VPS13B: variants seen among roughly 807,000 people sequenced by gnomAD.
The protein encoded by VPS13B is intermembrane lipid transfer protein VPS13B.
VPS13B carries 285 observed loss-of-function variants against 426.4 expected under a neutral mutation model. The ratio of observed to expected loss-of-function variants is 0.67; its 90% CI spans 0.61 to 0.74. VPS13B has a LOEUF of 0.74. Among genes scored for constraint, VPS13B ranks in the 30% least tolerant of loss-of-function variants. VPS13B has a pLI of 0.00. For synonymous variants in VPS13B, 1,676 were observed against 1,676.4 expected, an observed-to-expected ratio of 1.00 and a Z score of 0.01; for missense variants, 4,537 against 4,782.6, an observed-to-expected ratio of 0.95 and a Z score of 1.51.
chr8:99,741,332 T>G (rs1311254426), intron 39 of VPS13B, among the ~76,000 whole-genome samples: 1 of 152,102 alleles, frequency 6.6e-6, no homozygotes, highest in Non-Finnish European at 1.5e-5. Flanking sequence ...AGCAAGTCCT[T>G]AGAGACCTAC....
intron 17 of VPS13B, among the ~76,000 whole-genome samples, chr8:99,251,928 A>G (rs995242762): frequency 6.6e-6 from 1 of 151,918 alleles, no homozygotes; most frequent in East Asian, 1.9e-4. Flanking sequence ...ATGATATCCC[A>G]TTTCATTCCT....
intron 2 of VPS13B, among the ~76,000 whole-genome samples, chr8:99,030,652 A>G (rs1307890085): frequency 6.6e-6 from 1 of 152,216 alleles, no homozygotes. Context: ...TATGATAATC[A>G]TACAAATGCA....
chr8:99,143,314 A>G (rs1810533662), intron 13 of VPS13B, 149 bp downstream of exon 13: 2 of 976,358 alleles, frequency 2.0e-6, no homozygotes, highest in African/African-American at 1.6e-5. Context: ...TATTTAAAGA[A>G]TAAACTTGTG....
At chr8:99,562,129 C>T (rs1326560083) in intron 31 of VPS13B, among the ~76,000 whole-genome samples, 3 of 152,136 alleles carry the variant, frequency 2.0e-5, no homozygotes, top group African/African-American at 4.8e-5. Context: ...TAAGCTAACA[C>T]ATCATCCTAC....
At chr8:99,812,774 T>A (rs1212477760) in intron 44 of VPS13B, among the ~76,000 whole-genome samples, 1 of 152,242 alleles carries the variant, frequency 6.6e-6, no homozygotes, top group Non-Finnish European at 1.5e-5. Context: ...CACATACTTT[T>A]AATCATGTTT....
chr8:99,462,211 C>T (rs1289930309), intron 23 of VPS13B, among the ~76,000 whole-genome samples: 1 of 143,868 alleles, frequency 7.0e-6, no homozygotes, highest in Non-Finnish European at 1.5e-5. Flanking sequence ...GTACTGTATG[C>T]TATGCACTGT....
chr8:99,506,413 C>G (rs146311150), intron 27 of VPS13B, among the ~76,000 whole-genome samples: 1 of 151,992 alleles, frequency 6.6e-6, no homozygotes, highest in Non-Finnish European at 1.5e-5. Flanking sequence ...ATGAATATTA[C>G]GTATTATGTT....
At chr8:99,366,310 TC>T (rs1433981256) in intron 19 of VPS13B, among the ~76,000 whole-genome samples, 1 of 152,178 alleles carries the variant, frequency 6.6e-6, no homozygotes, top group Non-Finnish European at 1.5e-5. Flanking sequence ...TATATCCCCT[TC>T]CTGAATTTAC....
intron 19 of VPS13B, among the ~76,000 whole-genome samples, chr8:99,336,955 C>T (rs1264859687): frequency 2.6e-5 from 4 of 151,824 alleles, no homozygotes; most frequent in Non-Finnish European, 2.9e-5. Flanking sequence ...GTCAGTGTGG[C>T]GATTCCTCAG....
At chr8:99,596,209 G>A (rs1224587234) in intron 33 of VPS13B, among the ~76,000 whole-genome samples, 2 of 151,542 alleles carry the variant, frequency 1.3e-5, no homozygotes, top group African/African-American at 4.8e-5. Flanking sequence ...TTTTTAAACA[G>A]AAACTATCAT....
chr8:99,121,602 A>C, intron 8 of VPS13B, 157 bp downstream of exon 8: 1 of 1,437,914 alleles, frequency 7.0e-7, no homozygotes, highest in East Asian at 2.4e-5. Flanking sequence ...TGGCTCCTCC[A>C]CTTGAAATCT....
chr8:99,715,828 G>A (rs895018820), intron 36 of VPS13B, among the ~76,000 whole-genome samples: 1 of 152,060 alleles, frequency 6.6e-6, no homozygotes, highest in Non-Finnish European at 1.5e-5. Flanking sequence ...ATTTCATTTA[G>A]CAAATATTTA....
At chr8:99,318,070 A>G (rs574122108) in intron 19 of VPS13B, among the ~76,000 whole-genome samples, 1 of 152,326 alleles carries the variant, frequency 6.6e-6, no homozygotes, top group Admixed American at 6.5e-5. Flanking sequence ...AAACTCAGAT[A>G]TTAAGTTTAT....
intron 19 of VPS13B, among the ~76,000 whole-genome samples, chr8:99,359,117 G>A (rs1812351844): frequency 6.6e-6 from 1 of 152,052 alleles, no homozygotes; most frequent in Non-Finnish European, 1.5e-5. Flanking sequence ...TAAGTGTGGT[G>A]TATTTGATGA....
intron 35 of VPS13B, among the ~76,000 whole-genome samples, chr8:99,683,889 A>G (rs1023102465): frequency 1.3e-5 from 2 of 152,194 alleles, no homozygotes; most frequent in Non-Finnish European, 2.9e-5. Context: ...GAGTATGAAT[A>G]ATAAGAAGGG....
chr8:99,559,775 T>C (rs1214101067), intron 31 of VPS13B, among the ~76,000 whole-genome samples: 1 of 152,202 alleles, frequency 6.6e-6, no homozygotes, highest in East Asian at 1.9e-4. Context: ...TATCTCTGTT[T>C]TGGTACCAGT....
intron 52 of VPS13B, among the ~76,000 whole-genome samples, chr8:99,834,296 G>A (rs952253891): frequency 9.2e-5 from 14 of 152,338 alleles, no homozygotes; most frequent in Admixed American, 3.3e-4. Context: ...GTGGTAGTCT[G>A]TAATCTAAAT....
chr8:99,853,892 A>C lies in VPS13B; in HGVS notation c.10503A>C (p.Leu3501Phe). 1 of 1,614,252 alleles carries C rather than the reference A, an allele frequency of 6.2e-7. No individual in the cohort carries two copies. Among genetic ancestry groups the C allele is most frequent in the Non-Finnish European group, 8.5e-7 (1 of 1,180,036 alleles). The change falls in exon 56 of 62, where the codon TTA (leucine) becomes TTC (phenylalanine). Residue 3501 changes from leucine to phenylalanine, a missense_variant. This residue lies in a region of VPS13B where 4,311 missense variants were observed against 4,474.3 expected (regional missense o/e 0.96). Transcript: ENST00000357162. ...ATATTAATGAGTTCAGCTTTGAATT[A>C]AAACCTGCTCGGTTATACGTGGAAG... ...LCDINEFSFE[L>F]KPARLYVEDT...
chr8:99,061,090 G>A (rs1175937188), intron 3 of VPS13B, among the ~76,000 whole-genome samples: 2 of 152,096 alleles, frequency 1.3e-5, no homozygotes, highest in African/African-American at 2.4e-5. Context: ...GTTGATGGTG[G>A]TTGCAGGTTT....
Sources: gnomAD v4.1 joint callset for allele counts (sites outside exome capture counted in the v4.1 genomes callset) on GRCh38, gnomAD v4.1.1 for gene constraint, gnomAD v4.1.1 regional missense constraint, MANE v1.5 for transcripts, NCBI Gene and HGNC (gene_info 2026-07-23, HGNC 2026-07-21) for gene names.